PLAAT4: variants seen among roughly 807,000 people sequenced by gnomAD.
PLAAT4 encodes the protein HRAS-like suppressor 4.
PLAAT4 carries 12 observed loss-of-function variants against 14.1 expected under a neutral mutation model. That is an observed-to-expected ratio of 0.85 (90% confidence interval 0.54 to 1.37). The LOEUF (loss-of-function observed/expected upper bound fraction) is 1.37, where lower values mean the gene tolerates loss of function less well. Ranked by LOEUF, PLAAT4 falls within the 40% of genes most tolerant of loss-of-function variation. PLAAT4 has a pLI of 0.00. For synonymous variants in PLAAT4, 77 were observed against 79.8 expected (o/e 0.96, Z 0.19); for missense variants, 163 against 211.7 (o/e 0.77, Z 1.43).
At chr11:63,545,273 C>T (rs1385077415) in intron 3 of PLAAT4, 2 of 465,082 alleles carry the variant, frequency 4.3e-6, no homozygotes, top group African/African-American at 1.9e-5. Flanking sequence ...GGTCCGTGGA[C>T]CTGTGTAAGA....
intron 1 of PLAAT4, chr11:63,538,382 T>C: frequency 6.0e-6 from 2 of 332,910 alleles, no homozygotes; most frequent in Admixed American, 3.5e-5. Context: ...GTTGTGGGGG[T>C]CACAGAGGCA....
At chr11:63,544,994 G>A (rs765406627) in intron 3 of PLAAT4, 105 bp downstream of exon 3, 12 of 1,516,720 alleles carry the variant, frequency 7.9e-6, no homozygotes, top group Admixed American at 1.7e-5. Context: ...GCCTCTTAGA[G>A]ACCTGCTGGC....
chr11:63,540,183 G>C (rs936687186), intron 2 of PLAAT4, among the ~76,000 whole-genome samples: 5 of 152,218 alleles, frequency 3.3e-5, no homozygotes, highest in African/African-American at 7.2e-5. Context: ...GATCTCTCCA[G>C]CTCAAAGTCA....
At chr11:63,541,837 C>T (rs1207395172) in intron 2 of PLAAT4, among the ~76,000 whole-genome samples, 1 of 151,890 alleles carries the variant, frequency 6.6e-6, no homozygotes, top group Non-Finnish European at 1.5e-5. Flanking sequence ...GCACATATAT[C>T]CAATTATGTA....
At position 63,544,789 on chromosome 11, in the gene PLAAT4, C is replaced by T; in HGVS notation, c.287C>T (p.Ala96Val). 6.2e-7 allele frequency: 1 copy of T among 1,614,130 alleles called. No homozygotes were observed. Among genetic ancestry groups the T allele is most frequent in the Non-Finnish European group, 8.5e-7 (1 of 1,180,020 alleles). The stretch of plus-strand genomic sequence containing the variant: ...CCCGTGGAGGTGATCATCAGTTCTG[C>T]GAAGGAGATGGTTGGTCAGAAGATG... ...PRPVEVIISSAKEMVGQKMKY... is the reference protein window; with the variant it reads ...PRPVEVIISSVKEMVGQKMKY... The change falls in exon 3 of 4, where the codon GCG becomes GTG. Residue 96 changes from alanine (A) to valine (V), a missense_variant. Physicochemically the swap from Ala to Val is moderately conservative, Grantham distance 64. Transcript: ENST00000255688.
At chr11:63,540,613 G>A in intron 2 of PLAAT4, among the ~76,000 whole-genome samples, 1 of 152,290 alleles carries the variant, frequency 6.6e-6, no homozygotes, top group Non-Finnish European at 1.5e-5. Context: ...ATCACTTGAG[G>A]TCAGGAGTTC....
intron 1 of PLAAT4, among the ~76,000 whole-genome samples, chr11:63,538,059 G>A (rs1188767925): frequency 6.6e-6 from 1 of 152,196 alleles, no homozygotes; most frequent in African/African-American, 2.4e-5. Context: ...TGAGGGAGGG[G>A]AAGAGGAAGA....
At position 63,546,024 on chromosome 11, in the gene PLAAT4, G is replaced by A. The variant is rs1419642796; in HGVS notation, c.388-125G>A. The A allele has an allele frequency of 1.2e-5, 9 of 780,474 alleles. No homozygotes were observed. The East Asian group carries it at 2.2e-4, about 19-fold the overall frequency. The allele number at this position is 780,474 out of a possible 1,614,324, so 48.3% of individuals were successfully genotyped here. On this transcript the variant is annotated intron_variant, in intron 3 of 3. Coordinates refer to ENST00000255688, the MANE Select transcript of PLAAT4 (RefSeq NM_004585.5). Reference sequence around the variant, plus strand: ...AGCCAGCCAGCTGGGAGAGAAGAGAGGAGATGCCAGGCCTTAGGGGAGGCA... The same window carrying A: ...AGCCAGCCAGCTGGGAGAGAAGAGAAGAGATGCCAGGCCTTAGGGGAGGCA...
At chr11:63,539,485 G>A (rs754800509) in intron 1 of PLAAT4, 31 bp from the exon 2 acceptor site, 19 of 1,577,374 alleles carry the variant, frequency 1.2e-5, no homozygotes, top group South Asian at 1.1e-4. Context: ...CTAGAAGGCC[G>A]GGTACTCCAT....
At chr11:63,541,215 CAG>C (rs1227306402) in intron 2 of PLAAT4, among the ~76,000 whole-genome samples, 2 of 142,866 alleles carry the variant, frequency 1.4e-5, no homozygotes, top group East Asian at 2.2e-4. Flanking sequence ...TTTTTTAAGA[CAG>C]AGTCTTGCTC....
At chr11:63,540,517 A>G (rs978345208) in intron 2 of PLAAT4, among the ~76,000 whole-genome samples, 6 of 144,934 alleles carry the variant, frequency 4.1e-5, no homozygotes, top group African/African-American at 1.5e-4. Context: ...ATGGATAGCC[A>G]ATGAAAGGGG....
In PLAAT4 at chr11:63,536,835, C is replaced by T; in HGVS notation, c.-34C>T. On this transcript the variant is annotated 5_prime_UTR_variant, in exon 1 of 4. Coordinates refer to ENST00000255688, the MANE Select transcript of PLAAT4 (RefSeq NM_004585.5). ...TTCAGCATAAAAGCTGATCCACAAA[C>T]AAGAGGAGCACCAGACCTCCTCTTG... 7 of 1,603,804 alleles carry T rather than the reference C, an allele frequency of 4.4e-6. No individual in the cohort carries two copies. The highest frequency in any genetic ancestry group is 5.9e-6 in the Non-Finnish European group (7 of 1,176,840).
intron 2 of PLAAT4, among the ~76,000 whole-genome samples, chr11:63,542,574 C>T (rs995244249): frequency 6.6e-6 from 1 of 152,184 alleles, no homozygotes; most frequent in African/African-American, 2.4e-5. Flanking sequence ...AAATTTCCTG[C>T]TTCTCAAATA....
chr11:63,539,586 A>G lies in PLAAT4; in HGVS notation c.80A>G (p.Tyr27Cys), dbSNP rs373925861. The G allele has an allele frequency of 1.2e-6, 2 of 1,613,782 alleles. No individual in the cohort carries two copies. Among genetic ancestry groups the G allele is most frequent in the Middle Eastern group, 1.7e-4 (1 of 6,058 alleles). The change falls in exon 2 of 4, where the codon TAT becomes TGT. Residue 27 changes from tyrosine to cysteine, a missense_variant. Transcript: ENST00000255688. ...CTTGGCTATGAGCACTGGGCCCTGTATATAGGAGATGGCTACGTGATCCAT... is the reference window on the plus strand; with the variant it reads ...CTTGGCTATGAGCACTGGGCCCTGTGTATAGGAGATGGCTACGTGATCCAT... ...FRLGYEHWAL[Y>C]IGDGYVIHLA...
chr11:63,537,601 C>G (rs1029647249), intron 1 of PLAAT4, among the ~76,000 whole-genome samples: 2 of 152,178 alleles, frequency 1.3e-5, no homozygotes, highest in African/African-American at 4.8e-5. Context: ...AACAGGGAGC[C>G]CAGGCCAAAG....
intron 3 of PLAAT4, chr11:63,545,316 C>T (rs891843049): frequency 3.0e-6 from 1 of 334,458 alleles, no homozygotes; most frequent in Admixed American, 4.2e-5. Flanking sequence ...GATCTGGGCA[C>T]AGCCTCCATC....
intron 2 of PLAAT4, among the ~76,000 whole-genome samples, chr11:63,543,326 G>A (rs1299811566): frequency 6.6e-6 from 1 of 152,244 alleles, no homozygotes; most frequent in Non-Finnish European, 1.5e-5. Context: ...TCTCATAGGA[G>A]TGCAAACCCC....
intron 1 of PLAAT4, among the ~76,000 whole-genome samples, chr11:63,538,716 G>A (rs1378750169): frequency 6.6e-6 from 1 of 152,164 alleles, no homozygotes; most frequent in African/African-American, 2.4e-5. Context: ...GAACCAGGGT[G>A]AGGGGTGTGC....
chr11:63,545,078 C>T, intron 3 of PLAAT4, 189 bp downstream of exon 3: 2 of 745,766 alleles, frequency 2.7e-6, no homozygotes, highest in Non-Finnish European at 4.4e-6. Flanking sequence ...CAGTTCCCTT[C>T]CCCCCAGGCC....
Sources: gnomAD v4.1 joint callset for allele counts (sites outside exome capture counted in the v4.1 genomes callset) on GRCh38, gnomAD v4.1.1 for gene constraint, MANE v1.5 for transcripts, NCBI Gene and HGNC (gene_info 2026-07-23, HGNC 2026-07-21) for gene names.